The following UNC45A variants were observed in gnomAD, a reference collection of about 807,000 sequenced individuals.
UNC45A encodes the protein protein unc-45 homolog A.
Under a neutral mutation model 103.2 loss-of-function variants are expected in UNC45A, and 78 were observed. That is an observed-to-expected ratio of 0.76 (90% CI 0.63 to 0.91). The LOEUF (loss-of-function observed/expected upper bound fraction) is 0.91. UNC45A is among the 40% of genes least tolerant of loss of function. The pLI, the probability that UNC45A is intolerant of heterozygous loss-of-function variation, is 0.00. For synonymous variants in UNC45A, 495 were observed against 504.6 expected, an observed-to-expected ratio of 0.98 and a Z score of 0.25; for missense variants, 1,193 against 1,224.8, an observed-to-expected ratio of 0.97 and a Z score of 0.39.
chr15:90,946,921 C>T lies in UNC45A; in HGVS notation c.1500+7C>T, dbSNP rs772557686. ...CCGCATCCGGGCGCTAGTGGTGAGA[C>T]GGTGGGCCTGGGGTGGGTGGGCAGG... is the stretch of plus-strand genomic sequence containing the variant. On this transcript the variant is annotated splice_region_variant and intron_variant, in intron 10 of 19. Transcript: ENST00000418476. 1.7e-5 allele frequency: 12 copies of T among 701,666 alleles called. No individual in the cohort carries two copies. Among genetic ancestry groups the T allele is most frequent in the Middle Eastern group, 2.8e-4 (1 of 3,624 alleles). The allele number at this position is 701,666 out of a possible 1,614,324, so 43.5% of individuals were successfully genotyped here.
intron 17 of UNC45A, among the ~76,000 whole-genome samples, chr15:90,950,994 A>G (rs1050799522): frequency 6.7e-6 from 1 of 150,244 alleles, no homozygotes; most frequent in African/African-American, 2.4e-5. Flanking sequence ...GCATTGTGCC[A>G]TATCAGTATA....
chr15:90,953,269 AC>A lies in UNC45A; in HGVS notation c.2538del (p.Ser847ProfsTer13). 1 of 1,613,002 alleles carries A rather than the reference AC, an allele frequency of 6.2e-7. No homozygotes were observed. On this transcript the variant is annotated frameshift_variant, in exon 19 of 20. Coordinates refer to ENST00000418476, the MANE Select transcript of UNC45A (RefSeq NM_018671.5). LOFTEE classifies it high-confidence loss of function. ...AGCTGCCGGGGGCTTGGCCATGCTTACCTCCATGCGGCCCACGCTCTGCAGC... is the reference window on the plus strand; with the variant it reads ...AGCTGCCGGGGGCTTGGCCATGCTTACTCCATGCGGCCCACGCTCTGCAGC... ...RAAAGGLAMLTSMRPTLCSRI... is the reference protein window; with the variant it reads ...RAAAGGLAMLXSMRPTLCSRI...
At chr15:90,948,307 A>G (rs1371037668) in intron 12 of UNC45A, 24 bp downstream of exon 12, 1 of 1,611,906 alleles carries the variant, frequency 6.2e-7, no homozygotes, top group Admixed American at 1.7e-5. Context: ...TCCTGCCGTC[A>G]GCCTGGGGAC....
intron 17 of UNC45A, 196 bp from the exon 18 acceptor site, chr15:90,952,733 A>C: frequency 1.7e-6 from 1 of 588,604 alleles, no homozygotes; most frequent in Non-Finnish European, 3.0e-6. Flanking sequence ...CCGAGATGCC[A>C]CGCACTTTTA....
At position 90,935,839 on chromosome 15, in the gene UNC45A, G is replaced by A. The variant is rs2289618; in HGVS notation, c.214-107G>A. ...TGCCAGATGTTTTTTGCACCTCAGG[G>A]TGGTGGGGGATCGGGTGACCTTGGA... On this transcript the variant is annotated intron_variant, in intron 2 of 19. Coordinates refer to ENST00000418476, the MANE Select transcript of UNC45A (RefSeq NM_018671.5). The A allele has an allele frequency of 8.4e-3, 13,211 of 1,578,806 alleles. 1,024 individuals carry two copies. In the East Asian group the frequency reaches 0.19, roughly 23 times the overall value.
intron 6 of UNC45A, chr15:90,941,047 A>T (rs993091727): frequency 6.6e-6 from 1 of 152,194 alleles, no homozygotes; most frequent in African/African-American, 2.4e-5. Context: ...AAGAGCAAAA[A>T]CAGCCTTGGG....
In UNC45A at chr15:90,940,431, T is replaced by C. The variant is rs1259929010; in HGVS notation, c.645T>C (p.Ala215=). The change falls in exon 6 of 20, where the codon GCT becomes GCC. Residue 215 remains alanine, a synonymous_variant. Transcript: ENST00000418476. ...DMGETDLMLA[A]LRTLVGICSE... is the part of the protein sequence containing the mutation. ...GAGAGACTGACCTCATGCTGGCGGC[T>C]CTGCGTACGCTGGTTGGCATTTGCT... 3.7e-6 allele frequency: 6 copies of C among 1,613,920 alleles called. No individual in the cohort carries two copies. The highest frequency in any genetic ancestry group is 5.1e-6 in the Non-Finnish European group (6 of 1,179,958).
chr15:90,950,556 G>A lies in UNC45A; in HGVS notation c.2244G>A (p.Leu748=). Residue 748 remains leucine (L), a synonymous_variant, in exon 17 of 20, where the codon CTG becomes CTA. Coordinates refer to ENST00000418476, the MANE Select transcript of UNC45A (RefSeq NM_018671.5). Reference sequence around the variant, plus strand: ...TGTTGCACCTCAACTGCTCAGGCCTGCAGAACTTCGAGGCGCTCATGGCCC... The same window carrying A: ...TGTTGCACCTCAACTGCTCAGGCCTACAGAACTTCGAGGCGCTCATGGCCC... ...VSLLHLNCSG[L]QNFEALMALT... 1 of 1,614,192 alleles carries A rather than the reference G, an allele frequency of 6.2e-7. No individual in the cohort carries two copies. Among genetic ancestry groups the A allele is most frequent in the East Asian group, 2.2e-5 (1 of 44,890 alleles).
rs2037034754 is a variant in UNC45A at position 90,953,330 on chromosome 15, G to T, written c.2577+20G>T. Reference sequence around the variant, plus strand: ...CAAGTGGTCAGTGCCTCTTCTCAGTGGGGGAGGAGGGACGGACCAGGAACT... The same window carrying T: ...CAAGTGGTCAGTGCCTCTTCTCAGTTGGGGAGGAGGGACGGACCAGGAACT... On this transcript the variant is annotated intron_variant, in intron 19 of 19. Transcript: ENST00000418476. The T allele has an allele frequency of 1.2e-6, 2 of 1,600,288 alleles. No individual in the cohort carries two copies. Among genetic ancestry groups the T allele is most frequent in the Non-Finnish European group, 1.7e-6 (2 of 1,173,426 alleles).
chr15:90,940,730 A>C, intron 6 of UNC45A: 1 of 251,176 alleles, frequency 4.0e-6, no homozygotes, highest in South Asian at 8.2e-5. Flanking sequence ...CTGGCCAACA[A>C]GGCGAAACCC....
chr15:90,942,412 CTTCT>C, intron 6 of UNC45A, 21 bp from the exon 7 acceptor site: 1 of 1,581,274 alleles, frequency 6.3e-7, no homozygotes, highest in Non-Finnish European at 8.6e-7. Flanking sequence ...TGGAAGCTTC[CTTCT>C]GTTTACCTCT....
chr15:90,949,392 T>C lies in UNC45A; in HGVS notation c.1955T>C (p.Val652Ala), dbSNP rs752559666. The C allele has an allele frequency of 8.1e-6, 13 of 1,613,658 alleles. No homozygotes were observed. In the South Asian group the frequency reaches 1.4e-4, roughly 18 times the overall value. Residue 652 changes from valine to alanine, a missense_variant, in exon 14 of 20, where the codon GTG becomes GCG. Transcript: ENST00000418476. ...AGVVSAMVCM[V>A]KTESPVLTSS... Reference sequence around the variant, plus strand: ...GTGGTGTCGGCCATGGTGTGCATGGTGAAGACGGAGAGCCCTGTGCTGACC... The same window carrying C: ...GTGGTGTCGGCCATGGTGTGCATGGCGAAGACGGAGAGCCCTGTGCTGACC...
chr15:90,939,635 G>A (rs2036188139), intron 4 of UNC45A, 96 bp from the exon 5 acceptor site: 5 of 1,322,874 alleles, frequency 3.8e-6, no homozygotes, highest in Non-Finnish European at 5.4e-6. Context: ...TCTTTACTGT[G>A]CCTCCCAGAG....
intron 14 of UNC45A, 59 bp downstream of exon 14, chr15:90,949,502 T>C (rs1275064918): frequency 1.2e-6 from 2 of 1,606,236 alleles, no homozygotes; most frequent in Admixed American, 1.7e-5. Context: ...GGGCTGCAGA[T>C]GTGGCTCCAG....
At chr15:90,932,531 C>CA (rs1428047699), upstream of UNC45A, 3 of 1,268,068 alleles carry the variant, frequency 2.4e-6, no homozygotes, top group South Asian at 8.8e-5. Context: ...TGCGCCGCCT[C>CA]AGAGCCCATC....
upstream of UNC45A, chr15:90,932,239 T>C: frequency 9.4e-7 from 1 of 1,069,328 alleles, no homozygotes; most frequent in Non-Finnish European, 1.3e-6. Context: ...TCAAGTACCT[T>C]ACCCTCTGGG....
rs763767477 is a variant in UNC45A, at chr15:90,935,925, G to T, written c.214-21G>T. 29 of 1,613,890 alleles carry T rather than the reference G, an allele frequency of 1.8e-5. No homozygotes were observed. The South Asian group carries it at 2.9e-4, about 16-fold the overall frequency. On this transcript the variant is annotated intron_variant, in intron 2 of 19. Coordinates refer to ENST00000418476, the MANE Select transcript of UNC45A (RefSeq NM_018671.5). ...GAGAGGGAGATGACCATTCCTTCAG[G>T]CTCCTGTCTTTCTCTTACAGGAAGA...
upstream of UNC45A, chr15:90,932,652 T>C: frequency 1.7e-6 from 1 of 593,100 alleles, no homozygotes; most frequent in Non-Finnish European, 2.5e-6. Context: ...GCGGGCCGAG[T>C]TGGGCCTGCC....
chr15:90,943,087 G>A lies in UNC45A; in HGVS notation c.1027+5G>A. The A allele has an allele frequency of 1.3e-6, 2 of 1,592,348 alleles. No homozygotes were observed. The highest frequency in any genetic ancestry group is 2.3e-5 in the South Asian group (2 of 88,498). ...CCCTCTGGGTCATCGACCAAGGTAGGTGATATAGTTCACAAAAACTTGCTT... is the reference window on the plus strand; with the variant it reads ...CCCTCTGGGTCATCGACCAAGGTAGATGATATAGTTCACAAAAACTTGCTT... On this transcript the variant is annotated splice_donor_5th_base_variant and intron_variant, in intron 8 of 19. Transcript: ENST00000418476.
Sources: allele counts gnomAD v4.1 joint callset (sites outside exome capture counted in the v4.1 genomes callset), GRCh38; gene constraint gnomAD v4.1.1; transcripts MANE v1.5; gene names NCBI Gene and HGNC (gene_info 2026-07-23, HGNC 2026-07-21).